The following NRG3 variants were observed in gnomAD, a reference collection of about 807,000 sequenced individuals.
The protein encoded by NRG3 is pro-neuregulin-3, membrane-bound isoform.
A neutral mutation model predicts 66.9 loss-of-function variants in NRG3; 31 were observed. The observed-to-expected ratio is 0.46, with a 90% confidence interval of 0.35 to 0.63. The LOEUF (loss-of-function observed/expected upper bound fraction) is 0.63, where lower values mean the gene tolerates loss of function less well. Ranked by LOEUF, NRG3 falls within the 20% of genes least tolerant of loss-of-function variation. The pLI, the probability that NRG3 is intolerant of heterozygous loss-of-function variation, is 0.00. For missense variants in NRG3, 910 were observed against 878.9 expected, an observed-to-expected ratio of 1.04 and a Z score of -0.45; for synonymous variants, 393 against 359.4, an observed-to-expected ratio of 1.09 and a Z score of -1.06.
rs567292199 is a variant in NRG3, at chr10:82,487,473, A to T, written c.953+128605A>T. ...CTGAGGGACCAGCTTTGTAACCCTG[A>T]GTGGAGGTTAATATATATTAAAAAA... is the stretch of plus-strand genomic sequence containing the variant. On this transcript the variant is annotated intron_variant, in intron 2 of 8. Coordinates refer to ENST00000372141, the MANE Select transcript of NRG3 (RefSeq NM_001010848.4). 1.1e-4 allele frequency among the ~76,000 whole-genome samples: 16 copies of T among 152,250 alleles called. No individual in the cohort carries two copies. The East Asian group carries it at 2.3e-3, about 22-fold the overall frequency.
intron 1 of NRG3, among the ~76,000 whole-genome samples, chr10:82,099,984 A>AATATATATATATAT (rs3036603): frequency 2.7e-5 from 4 of 146,056 alleles, no homozygotes; most frequent in African/African-American, 5.0e-5. Flanking sequence ...CCCTGTCTCT[A>AATATATATATATAT]ATATATATAT....
intron 2 of NRG3, among the ~76,000 whole-genome samples, chr10:82,593,882 T>C (rs1261796020): frequency 6.6e-6 from 1 of 152,026 alleles, no homozygotes; most frequent in Non-Finnish European, 1.5e-5. Flanking sequence ...TTAGTACTGA[T>C]GATTCTATTA....
chr10:82,201,190 C>CT lies in NRG3; in HGVS notation c.824-157548dup, dbSNP rs1353703614. On this transcript the variant is annotated intron_variant, in intron 1 of 8. Transcript: ENST00000372141. ...TCCAGCCTGGTGACAGAGTGAGACT[C>CT]TGTCTCAAAAAAAAAAAAAAAAAAA... Among the ~76,000 whole-genome samples, 4 of 94,634 alleles carry CT rather than the reference C, an allele frequency of 4.2e-5. No individual in the cohort carries two copies. In the East Asian group the frequency reaches 1.2e-3, roughly 29 times the overall value. 62.1% of individuals were successfully genotyped at this position (94,634 alleles called of 152,430 possible). A position where few individuals can be genotyped will look rare whatever the true frequency, so the allele number is the denominator to read the frequency against.
chr10:82,395,183 G>A (rs2086639896), intron 2 of NRG3, among the ~76,000 whole-genome samples: 1 of 152,154 alleles, frequency 6.6e-6, no homozygotes, highest in South Asian at 2.1e-4. Context: ...GTAAATGCAA[G>A]ATCAGCTGAA....
chr10:82,177,345 A>G (rs927714059), intron 1 of NRG3, among the ~76,000 whole-genome samples: 3 of 152,158 alleles, frequency 2.0e-5, no homozygotes, highest in African/African-American at 7.2e-5. Flanking sequence ...TCATAAACAT[A>G]GGAAAAGGTT....
intron 2 of NRG3, among the ~76,000 whole-genome samples, chr10:82,616,913 G>A (rs573983487): frequency 6.2e-4 from 94 of 152,198 alleles, no homozygotes; most frequent in African/African-American, 2.2e-3. Context: ...GTTTCATAAG[G>A]CAGGAATTAT....
intron 1 of NRG3, among the ~76,000 whole-genome samples, chr10:82,290,725 C>T (rs1004041238): frequency 1.3e-5 from 2 of 151,860 alleles, no homozygotes; most frequent in African/African-American, 4.8e-5. Flanking sequence ...ACCTCCGCCT[C>T]CTGGGTTCAC....
At chr10:82,156,469 G>C (rs141607481) in intron 1 of NRG3, among the ~76,000 whole-genome samples, 253 of 151,542 alleles carry the variant, frequency 1.7e-3, no homozygotes, top group African/African-American at 5.8e-3. Flanking sequence ...TGAAGTTCCT[G>C]GCAAGAACAG....
chr10:82,777,511 G>T (rs936879062), intron 3 of NRG3, among the ~76,000 whole-genome samples: 1 of 152,068 alleles, frequency 6.6e-6, no homozygotes, highest in Non-Finnish European at 1.5e-5. Context: ...GGTGCAGGTG[G>T]GTGCTGCAGT....
intron 1 of NRG3, among the ~76,000 whole-genome samples, chr10:81,891,561 G>A (rs1306180529): frequency 6.6e-6 from 1 of 152,198 alleles, no homozygotes; most frequent in Non-Finnish European, 1.5e-5. Context: ...AGACTGTGGA[G>A]AGGCTGGAGG....
chr10:81,983,935 G>A (rs2060427642), intron 1 of NRG3, among the ~76,000 whole-genome samples: 1 of 152,102 alleles, frequency 6.6e-6, no homozygotes, highest in Admixed American at 6.6e-5. Context: ...GGATCATCCT[G>A]GTGAACTGCT....
At chr10:82,959,317 A>G (rs1356456809) in intron 6 of NRG3, among the ~76,000 whole-genome samples, 1 of 152,234 alleles carries the variant, frequency 6.6e-6, no homozygotes, top group Non-Finnish European at 1.5e-5. Flanking sequence ...ATCTCTAGTA[A>G]AAATAAGAGC....
intron 2 of NRG3, among the ~76,000 whole-genome samples, chr10:82,428,636 A>G (rs913154952): frequency 1.8e-4 from 27 of 152,158 alleles, no homozygotes; most frequent in African/African-American, 6.5e-4. Flanking sequence ...CTAATATGCA[A>G]TCTATCCTGG....
chr10:82,362,078 GCAAAAAAAAAAAAAAAA>G (rs1270298790), intron 2 of NRG3, among the ~76,000 whole-genome samples: 3 of 7,950 alleles, frequency 3.8e-4, no homozygotes, highest in African/African-American at 1.4e-3. Flanking sequence ...GAAAGTACAT[GCAAAAAAAAAAAAAAAA>G]AAAAAAAAAA....
chr10:82,742,142 A>G (rs1007327526), intron 3 of NRG3, among the ~76,000 whole-genome samples: 1 of 151,824 alleles, frequency 6.6e-6, no homozygotes, highest in Non-Finnish European at 1.5e-5. Flanking sequence ...TCCAGTGCAT[A>G]CTTTTGCTGA....
intron 1 of NRG3, among the ~76,000 whole-genome samples, chr10:82,121,848 G>C (rs957414046): frequency 5.9e-5 from 9 of 152,028 alleles, no homozygotes; most frequent in Non-Finnish European, 1.2e-4. Context: ...GTGTTGCACA[G>C]ACTAGTTTCA....
intron 2 of NRG3, among the ~76,000 whole-genome samples, chr10:82,456,138 T>C (rs1421865746): frequency 5.7e-4 from 6 of 10,546 alleles, no homozygotes; most frequent in Non-Finnish European, 7.5e-4. Flanking sequence ...TTTCTGTCAC[T>C]TTTTTTTTTT....
intron 2 of NRG3, among the ~76,000 whole-genome samples, chr10:82,503,035 C>T (rs888794187): frequency 4.6e-5 from 7 of 151,906 alleles, no homozygotes; most frequent in East Asian, 3.9e-4. Context: ...AGTTATTAAA[C>T]GGTGCTTCTT....
At chr10:82,565,962 CTT>C (rs2045378761) in intron 2 of NRG3, among the ~76,000 whole-genome samples, 1 of 152,038 alleles carries the variant, frequency 6.6e-6, no homozygotes, top group African/African-American at 2.4e-5. Context: ...TGAAATTCCT[CTT>C]GTTCTACCTC....
Sources: gnomAD v4.1 joint callset for allele counts (sites outside exome capture counted in the v4.1 genomes callset) on GRCh38, gnomAD v4.1.1 for gene constraint, MANE v1.5 for transcripts, NCBI Gene and HGNC (gene_info 2026-07-23, HGNC 2026-07-21) for gene names.